Variants in TMEM14B observed in about 807,000 individuals in gnomAD.
The protein encoded by TMEM14B is transmembrane protein 14B.
Under a neutral mutation model 14.8 loss-of-function variants are expected in TMEM14B, and 9 were observed. The ratio of observed to expected loss-of-function variants is 0.61; its 90% confidence interval spans 0.37 to 1.06. TMEM14B has a LOEUF of 1.06. Among genes scored for constraint, TMEM14B ranks in the 50% least tolerant of loss-of-function variants. TMEM14B has a pLI of 0.01. For missense variants in TMEM14B, 128 were observed against 143.6 expected, an observed-to-expected ratio of 0.89 and a Z score of 0.56; for synonymous variants, 40 against 51.3, an observed-to-expected ratio of 0.78 and a Z score of 0.94.
chr6:10,751,947 T>G (rs913473714), intron 4 of TMEM14B, among the ~76,000 whole-genome samples: 7 of 152,164 alleles, frequency 4.6e-5, no homozygotes, highest in African/African-American at 7.2e-5. Context: ...GACACTGCTA[T>G]GAGTGTGGGT....
downstream of TMEM14B, chr6:10,757,023 A>G: frequency 1.0e-6 from 1 of 968,398 alleles, no homozygotes; most frequent in Non-Finnish European, 1.2e-6. Flanking sequence ...TCTAGTTCAT[A>G]GAATGAGATG....
At chr6:10,749,083 CAT>C (rs1771447314) in intron 1 of TMEM14B, 117 bp from the exon 2 acceptor site, 1 of 649,784 alleles carries the variant, frequency 1.5e-6, no homozygotes, top group African/African-American at 1.8e-5. Flanking sequence ...GTGTTATCCT[CAT>C]GGTACAGTGA....
Position 10,747,843 on chromosome 6 carries a change from G to A in TMEM14B, c.-83G>A, listed in dbSNP as rs1026521441. 6.6e-6 allele frequency: 1 copy of A among 152,328 alleles called. No individual in the cohort carries two copies. The highest frequency in any genetic ancestry group is 2.4e-5 in the African/African-American group (1 of 41,474). 9.4% of individuals were successfully genotyped at this position (152,328 alleles called of 1,614,324 possible). A position where few individuals can be genotyped will look rare whatever the true frequency, so the allele number is the denominator to read the frequency against. ...GAGAGACCTGGCTGCTGTGTCCCGC[G>A]GCTTGCGCTCCGTAGTGGACTCCGC... On this transcript the variant is annotated 5_prime_UTR_variant, in exon 1 of 6. Transcript: ENST00000379542.
intron 1 of TMEM14B, among the ~76,000 whole-genome samples, chr6:10,748,622 A>G (rs1771426096): frequency 1.3e-5 from 2 of 152,194 alleles, no homozygotes; most frequent in Non-Finnish European, 2.9e-5. Flanking sequence ...CATACAGAAT[A>G]CTTTTCTGTA....
chr6:10,748,027 G>A (rs1771396922), intron 1 of TMEM14B, 146 bp downstream of exon 1: 1 of 152,224 alleles, frequency 6.6e-6, no homozygotes, highest in Admixed American at 6.5e-5. Flanking sequence ...TTTCTCCTTG[G>A]GTATTTTCTG....
intron 5 of TMEM14B, among the ~76,000 whole-genome samples, chr6:10,755,987 G>T (rs1369741280): frequency 6.6e-6 from 1 of 151,946 alleles, no homozygotes; most frequent in Non-Finnish European, 1.5e-5. Flanking sequence ...TGTTAAGTAT[G>T]ATAAAGACAT....
intron 5 of TMEM14B, chr6:10,755,509 C>A: frequency 7.2e-7 from 1 of 1,389,782 alleles, no homozygotes; most frequent in East Asian, 2.5e-5. Context: ...TGACTGCAGC[C>A]TTTTGTGTGA....
downstream of TMEM14B, among the ~76,000 whole-genome samples, chr6:10,757,984 C>G (rs972639252): frequency 2.0e-5 from 3 of 148,420 alleles, no homozygotes; most frequent in African/African-American, 7.6e-5. Context: ...GGGTGAGACT[C>G]TGTCTCAAAA....
At chr6:10,755,411 A>G in intron 5 of TMEM14B, 179 bp downstream of exon 5, 1 of 1,501,044 alleles carries the variant, frequency 6.7e-7, no homozygotes, top group Non-Finnish European at 8.9e-7. Context: ...GTCAAATGAC[A>G]TGAGTATATC....
downstream of TMEM14B, chr6:10,759,346 T>C (rs773243088): frequency 3.9e-5 from 6 of 152,180 alleles, no homozygotes; most frequent in Non-Finnish European, 7.3e-5. Flanking sequence ...ATGCTTGTAA[T>C]CCCAACACTT....
intron 1 of TMEM14B, among the ~76,000 whole-genome samples, chr6:10,748,756 TA>T (rs898884080): frequency 3.2e-4 from 48 of 147,908 alleles, no homozygotes; most frequent in African/African-American, 1.0e-3. Context: ...CAGAAGTTTC[TA>T]AAAAAAAAAA....
chr6:10,751,636 T>C (rs1019656655), intron 4 of TMEM14B, among the ~76,000 whole-genome samples: 4 of 152,118 alleles, frequency 2.6e-5, no homozygotes, highest in Non-Finnish European at 4.4e-5. Flanking sequence ...CTGAAGACCA[T>C]TGGCCTCAGT....
At position 10,756,630 on chromosome 6, in the gene TMEM14B, TAAAA is replaced by T; in HGVS notation, c.*120_*123del. The T allele has an allele frequency of 8.8e-7, 1 of 1,132,278 alleles. No individual in the cohort carries two copies. Among genetic ancestry groups the T allele is most frequent in the Non-Finnish European group, 1.2e-6 (1 of 850,292 alleles). 70.1% of individuals were successfully genotyped at this position (1,132,278 alleles called of 1,614,324 possible). A position where few individuals can be genotyped will look rare whatever the true frequency, so the allele number is the denominator to read the frequency against. On this transcript the variant is annotated 3_prime_UTR_variant, in exon 6 of 6. Transcript: ENST00000379542. ...GCATTTTTGCATCTGACATTTTACC[TAAAA>T]AAAAAAAGACACCAAATTTGGCGGA... is the stretch of plus-strand genomic sequence containing the variant.
intron 2 of TMEM14B, 25 bp from the exon 3 acceptor site, chr6:10,749,586 GCACTGACTTCT>G (rs761577665): frequency 9.3e-6 from 15 of 1,610,626 alleles, no homozygotes; most frequent in African/African-American, 4.0e-5. Flanking sequence ...ATCCAGGTTA[GCACTGACTTCT>G]CACTGACTTC....
At position 10,756,447 on chromosome 6, in the gene TMEM14B, A is replaced by G. The variant is rs6922852; in HGVS notation, c.294-20A>G. 11,013 of 1,613,304 alleles carry G rather than the reference A, an allele frequency of 6.8e-3. 636 individuals are homozygous for G. The African/African-American group carries it at 0.13, about 19-fold the overall frequency. ...TTCTATCCTTTACCTGATGTTTTCT[A>G]TCTTACTTGTTTTAAACAGTTTGCT... On this transcript the variant is annotated intron_variant, in intron 5 of 5. Transcript: ENST00000379542.
chr6:10,751,241 C>T lies in TMEM14B; in HGVS notation c.202+7C>T, dbSNP rs1265891531. On this transcript the variant is annotated splice_region_variant and intron_variant, in intron 4 of 5. Coordinates refer to ENST00000379542, the MANE Select transcript of TMEM14B (RefSeq NM_030969.5). Reference sequence around the variant, plus strand: ...AACGTTTGGGGTTTCCTAGGTATGTCTGCTTCAGCGTCTCCTTAGGGCAAT... The same window carrying T: ...AACGTTTGGGGTTTCCTAGGTATGTTTGCTTCAGCGTCTCCTTAGGGCAAT... The T allele has an allele frequency of 6.2e-7, 1 of 1,613,534 alleles. No individual in the cohort carries two copies. The highest frequency in any genetic ancestry group is 8.5e-7 in the Non-Finnish European group (1 of 1,179,818).
At chr6:10,758,887 C>T, downstream of TMEM14B, 2 of 194,878 alleles carry the variant, frequency 1.0e-5, no homozygotes, top group South Asian at 1.3e-4. Flanking sequence ...CTGGGTTCAA[C>T]CCTTTCCTTA....
chr6:10,756,331 T>G (rs1581616840), intron 5 of TMEM14B, 136 bp from the exon 6 acceptor site: 1 of 960,204 alleles, frequency 1.0e-6, no homozygotes, highest in East Asian at 3.1e-5. Context: ...GATGGAAATT[T>G]TACCTCTGAC....
intron 4 of TMEM14B, among the ~76,000 whole-genome samples, chr6:10,754,568 T>C (rs114932515): frequency 0.01 from 1,595 of 152,348 alleles, 25 homozygotes; most frequent in African/African-American, 0.036. Flanking sequence ...CCTGAATAGG[T>C]TGATCCCCCT....
Sources: gnomAD v4.1 joint callset for allele counts (sites outside exome capture counted in the v4.1 genomes callset) on GRCh38, gnomAD v4.1.1 for gene constraint, MANE v1.5 for transcripts, NCBI Gene and HGNC (gene_info 2026-07-23, HGNC 2026-07-21) for gene names.